The following HGD variants were observed in gnomAD, a reference collection of about 807,000 sequenced individuals.
HGD encodes the protein homogentisate oxidase.
HGD carries 61 observed loss-of-function variants against 60.8 expected under a neutral mutation model. That is an observed-to-expected ratio of 1.00 (90% CI 0.82 to 1.24). The LOEUF is 1.24. Ranked by LOEUF, HGD falls within the 50% of genes most tolerant of loss-of-function variation. The pLI, the probability that HGD is intolerant of heterozygous loss-of-function variation, is 0.00. For missense variants in HGD, 542 were observed against 547.1 expected (o/e 0.99, Z 0.09); for synonymous variants, 212 against 187.7 (o/e 1.13, Z -1.06).
At chr3:120,638,638 GAC>G in intron 11 of HGD, 57 bp from the exon 12 acceptor site, 3 of 1,603,050 alleles carry the variant, frequency 1.9e-6, no homozygotes, top group Non-Finnish European at 2.6e-6. Flanking sequence ...ACTGGACAAT[GAC>G]ACACATTTCA....
At chr3:120,656,715 G>C (rs1941508905) in intron 4 of HGD, among the ~76,000 whole-genome samples, 1 of 151,994 alleles carries the variant, frequency 6.6e-6, no homozygotes, top group Non-Finnish European at 1.5e-5. Context: ...CCATGCCCGG[G>C]TAGTTTTTGT....
chr3:120,649,283 C>T (rs1941261165), intron 6 of HGD, among the ~76,000 whole-genome samples: 1 of 151,502 alleles, frequency 6.6e-6, no homozygotes, highest in Non-Finnish European at 1.5e-5. Flanking sequence ...GCTGGGATTA[C>T]AGGCGCCCAC....
chr3:120,673,481 T>C (rs1048270684), intron 3 of HGD, among the ~76,000 whole-genome samples: 7 of 151,108 alleles, frequency 4.6e-5, no homozygotes, highest in African/African-American at 1.7e-4. Flanking sequence ...ATTATCTGCG[T>C]GCTTATCTTA....
At chr3:120,651,346 G>C (rs1263547024) in intron 5 of HGD, among the ~76,000 whole-genome samples, 1 of 152,152 alleles carries the variant, frequency 6.6e-6, no homozygotes, top group African/African-American at 2.4e-5. Flanking sequence ...ACTGTATTCA[G>C]ATGGACTGTA....
intron 12 of HGD, among the ~76,000 whole-genome samples, chr3:120,637,308 A>G (rs776617957): frequency 3.1e-5 from 1 of 32,750 alleles, no homozygotes; most frequent in East Asian, 5.6e-4. Context: ...TAATTTTCTG[A>G]AAAAAAAAAA....
At position 120,652,620 on chromosome 3, in the gene HGD, G is replaced by A. The variant is rs762006383; in HGVS notation, c.314C>T (p.Ala105Val). Reference sequence around the variant, plus strand: ...CACAAAGTCTACTTTCTTCTGAGATGCTTTTGGAATCTCAAATGGTTTCCA... The same window carrying A: ...CACAAAGTCTACTTTCTTCTGAGATACTTTTGGAATCTCAAATGGTTTCCA... ...LRWKPFEIPK[A>V]SQKKVDFVSG... Residue 105 changes from alanine to valine, a missense_variant, in exon 5 of 14, where the codon GCA becomes GTA. By Grantham distance (64) the Ala-to-Val change is moderately conservative (BLOSUM62 0). Around this residue, in one of 2 missense-constraint regions of HGD, gnomAD observed 537 missense variants for 529.1 expected, o/e 1.01. Coordinates refer to ENST00000283871, the MANE Select transcript of HGD (RefSeq NM_000187.4). 1.2e-6 allele frequency: 2 copies of A among 1,613,158 alleles called. No individual in the cohort carries two copies. The highest frequency in any genetic ancestry group is 1.7e-5 in the Admixed American group (1 of 59,990).
At chr3:120,646,492 G>A (rs1410108245) in intron 8 of HGD, 126 bp from the exon 9 acceptor site, 1 of 729,924 alleles carries the variant, frequency 1.4e-6, no homozygotes, top group Non-Finnish European at 2.5e-6. Context: ...CTGCTTGGGA[G>A]GTGACCAGAG....
intron 4 of HGD, among the ~76,000 whole-genome samples, chr3:120,663,956 G>A (rs1007838151): frequency 6.6e-6 from 1 of 151,636 alleles, no homozygotes; most frequent in African/African-American, 2.4e-5. Context: ...TTTTTTAAAA[G>A]CACTATTATA....
At chr3:120,657,912 AACTC>A (rs1941546983) in intron 4 of HGD, among the ~76,000 whole-genome samples, 3 of 152,056 alleles carry the variant, frequency 2.0e-5, no homozygotes, top group Admixed American at 1.3e-4. Context: ...ATCTCATGAG[AACTC>A]ACTCACTATC....
rs542446346 is a variant in HGD, at chr3:120,628,234, C to A, written c.*146G>T. On this transcript the variant is annotated 3_prime_UTR_variant, in exon 14 of 14. Transcript: ENST00000283871. ...TGACAGCCATAGAACTTTGCAAATG[C>A]GTTTCCATAAAAGTTCTGAGTTACT... 1.1e-6 allele frequency: 1 copy of A among 874,630 alleles called. No individual in the cohort carries two copies. The highest frequency in any genetic ancestry group is 2.4e-5 in the East Asian group (1 of 41,100). The allele number at this position is 874,630 out of a possible 1,614,324, so 54.2% of individuals were successfully genotyped here. A position where few individuals can be genotyped will look rare whatever the true frequency, so the allele number is the denominator to read the frequency against.
rs756737699 is a variant in HGD at position 120,628,407 on chromosome 3, G to A, written c.1311C>T (p.Asn437=). ...AATTAGGTTCTGCTGGGTTCCTGGAGTTGGGAGTGAAGTGGCTCTTGAGTG... is the reference window on the plus strand; with the variant it reads ...AATTAGGTTCTGCTGGGTTCCTGGAATTGGGAGTGAAGTGGCTCTTGAGTG... ...WEPLKSHFTP[N]SRNPAEPN is the part of the protein sequence containing the mutation. Residue 437 remains asparagine, a synonymous_variant, in exon 14 of 14, where the codon AAC becomes AAT. Coordinates refer to ENST00000283871, the MANE Select transcript of HGD (RefSeq NM_000187.4). The A allele has an allele frequency of 6.2e-7, 1 of 1,614,032 alleles. No individual in the cohort carries two copies. The highest frequency in any genetic ancestry group is 1.1e-5 in the South Asian group (1 of 91,076).
In HGD at chr3:120,680,512, G is replaced by A. The variant is rs142181614; in HGVS notation, c.15+1585C>T. Among the ~76,000 whole-genome samples, 707 of 152,300 alleles carry A rather than the reference G, an allele frequency of 4.6e-3. 6 individuals carry two copies. Among genetic ancestry groups the A allele is most frequent in the African/African-American group, 0.016 (667 of 41,562 alleles). ...TTGCTTAAACATGACAGCAGGATAG[G>A]ATTTTACATAAAATTTATTTATAAA... On this transcript the variant is annotated intron_variant, in intron 1 of 13. Transcript: ENST00000283871.
intron 1 of HGD, among the ~76,000 whole-genome samples, chr3:120,676,096 C>A (rs1275950384): frequency 5.3e-5 from 8 of 152,150 alleles, no homozygotes; most frequent in African/African-American, 1.9e-4. Flanking sequence ...ATTGCATAGA[C>A]TTCTCCACCC....
chr3:120,651,349 G>A (rs923744705), intron 5 of HGD, among the ~76,000 whole-genome samples: 4 of 152,094 alleles, frequency 2.6e-5, no homozygotes, highest in Non-Finnish European at 4.4e-5. Context: ...GTATTCAGAT[G>A]GACTGTAATT....
At chr3:120,679,053 T>A (rs959340050) in intron 1 of HGD, among the ~76,000 whole-genome samples, 1 of 152,260 alleles carries the variant, frequency 6.6e-6, no homozygotes, top group East Asian at 1.9e-4. Flanking sequence ...GACAGAAAAA[T>A]ATGATTTCAT....
In HGD at chr3:120,646,341, A is replaced by C; in HGVS notation, c.575T>G (p.Val192Gly). 6.2e-7 allele frequency: 1 copy of C among 1,613,036 alleles called. No homozygotes were observed. Among genetic ancestry groups the C allele is most frequent in the Non-Finnish European group, 8.5e-7 (1 of 1,179,038 alleles). The change falls in exon 9 of 14, where the codon GTC (valine) becomes GGC (glycine). Residue 192 changes from valine to glycine, a missense_variant. This residue lies in a region of HGD where 537 missense variants were observed against 529.1 expected (regional missense o/e 1.01). Coordinates refer to ENST00000283871, the MANE Select transcript of HGD (RefSeq NM_000187.4). Reference sequence around the variant, plus strand: ...GATGTAGCCCCTGGTCTCCTCAAAGACATCTATGCTGAACCGCATTCCTCT... The same window carrying C: ...GATGTAGCCCCTGGTCTCCTCAAAGCCATCTATGCTGAACCGCATTCCTCT... ...IQRGMRFSID[V>G]FEETRGYILE...
In HGD at chr3:120,668,652, G is replaced by A. The variant is rs572537470; in HGVS notation, c.282+1775C>T. On this transcript the variant is annotated intron_variant, in intron 4 of 13. Transcript: ENST00000283871. ...TAAATTCAGGTAAATATAAATAGCT[G>A]TATCAGAATCATGGTTCTTGCCTAT... 2.5e-4 allele frequency among the ~76,000 whole-genome samples: 38 copies of A among 152,264 alleles called. 1 individual carries two copies. Among genetic ancestry groups the A allele is most frequent in the African/African-American group, 8.9e-4 (37 of 41,552 alleles).
At chr3:120,675,173 T>C (rs894391347) in intron 2 of HGD, among the ~76,000 whole-genome samples, 184 bp from the exon 3 acceptor site, 3 of 152,110 alleles carry the variant, frequency 2.0e-5, no homozygotes, top group African/African-American at 7.2e-5. Flanking sequence ...GTAATATATA[T>C]TTATTGTAGA....
chr3:120,653,192 G>C (rs142276486), intron 4 of HGD, among the ~76,000 whole-genome samples: 1 of 152,170 alleles, frequency 6.6e-6, no homozygotes. Context: ...ACCAGGTTCA[G>C]CTGCTTCACC....
Sources: allele counts gnomAD v4.1 joint callset (sites outside exome capture counted in the v4.1 genomes callset), GRCh38; gene constraint gnomAD v4.1.1; regional missense constraint gnomAD v4.1.1; transcripts MANE v1.5; gene names NCBI Gene and HGNC (gene_info 2026-07-23, HGNC 2026-07-21).